Variants in CMSS1 observed in about 807,000 individuals in gnomAD.
The protein encoded by CMSS1 is protein CMSS1.
CMSS1 carries 33 observed loss-of-function variants against 43.5 expected under a neutral mutation model. That is an observed-to-expected ratio of 0.76 (90% CI 0.57 to 1.01). The LOEUF (loss-of-function observed/expected upper bound fraction) is 1.01, where lower values mean the gene tolerates loss of function less well. Among genes scored for constraint, CMSS1 ranks in the 50% least tolerant of loss-of-function variants. CMSS1 has a pLI of 0.00. For synonymous variants in CMSS1, 115 were observed against 117.2 expected (o/e 0.98, Z 0.12); for missense variants, 313 against 326.4 (o/e 0.96, Z 0.32).
intron 1 of CMSS1, among the ~76,000 whole-genome samples, chr3:99,957,607 C>T (rs1282686169): frequency 6.6e-6 from 1 of 150,920 alleles, no homozygotes; most frequent in Non-Finnish European, 1.5e-5. Context: ...CTCCTATGAA[C>T]CTCTGCAGAG....
chr3:100,144,833 C>G (rs938659889), intron 1 of CMSS1, among the ~76,000 whole-genome samples: 3 of 152,104 alleles, frequency 2.0e-5, no homozygotes, highest in Non-Finnish European at 2.9e-5. Flanking sequence ...GATAATGAGG[C>G]AAAAAGATAA....
chr3:100,045,514 C>G (rs932538152), intron 1 of CMSS1, among the ~76,000 whole-genome samples: 11 of 152,006 alleles, frequency 7.2e-5, no homozygotes, highest in Admixed American at 7.2e-4. Context: ...TCCCAGGCAT[C>G]CCTCCTCTCG....
intron 1 of CMSS1, among the ~76,000 whole-genome samples, chr3:99,987,497 C>G (rs1294418312): frequency 6.7e-6 from 1 of 149,128 alleles, no homozygotes; most frequent in Non-Finnish European, 1.5e-5. Context: ...CCACTGCACT[C>G]CAGCCTGGGT....
chr3:100,058,259 C>G (rs575064612), intron 1 of CMSS1, among the ~76,000 whole-genome samples: 1 of 152,324 alleles, frequency 6.6e-6, no homozygotes, highest in East Asian at 1.9e-4. Flanking sequence ...GAATACTGTT[C>G]TATGTTCAAG....
chr3:99,961,046 A>G (rs1708476135), intron 1 of CMSS1, among the ~76,000 whole-genome samples: 1 of 152,216 alleles, frequency 6.6e-6, no homozygotes, highest in Non-Finnish European at 1.5e-5. Context: ...TTATTGTCAC[A>G]GTTTACAGTG....
intron 1 of CMSS1, chr3:99,833,131 G>A (rs1375176308): frequency 3.1e-6 from 3 of 981,658 alleles, no homozygotes; most frequent in African/African-American, 1.6e-5. Context: ...AAGCAAGTTG[G>A]AAAGCTCATT....
At chr3:99,908,788 A>C (rs988049333) in intron 1 of CMSS1, among the ~76,000 whole-genome samples, 3 of 152,162 alleles carry the variant, frequency 2.0e-5, no homozygotes, top group Non-Finnish European at 2.9e-5. Context: ...ACTAATTATC[A>C]AGTTATTTAC....
At chr3:99,849,518 C>A (rs748343292) in intron 1 of CMSS1, 1 of 1,613,332 alleles carries the variant, frequency 6.2e-7, no homozygotes, top group Admixed American at 1.7e-5. Context: ...TTTAATGCAT[C>A]CACTTCTCTT....
chr3:100,033,696 G>A (rs1435043499), intron 1 of CMSS1, among the ~76,000 whole-genome samples: 5 of 152,034 alleles, frequency 3.3e-5, no homozygotes, highest in Non-Finnish European at 5.9e-5. Flanking sequence ...GTGCCTCTTT[G>A]ACAATTCAGA....
At chr3:99,919,605 A>G (rs1323831614) in intron 1 of CMSS1, among the ~76,000 whole-genome samples, 1 of 151,842 alleles carries the variant, frequency 6.6e-6, no homozygotes, top group Non-Finnish European at 1.5e-5. Context: ...TAGAAAGAAA[A>G]TTTGATGTTT....
intron 1 of CMSS1, among the ~76,000 whole-genome samples, chr3:99,920,688 A>G (rs538159045): frequency 2.0e-5 from 3 of 152,310 alleles, no homozygotes; most frequent in Non-Finnish European, 2.9e-5. Context: ...GGGAAAGCCA[A>G]TTGCTTACTG....
At chr3:99,940,362 A>G (rs1473176535) in intron 1 of CMSS1, among the ~76,000 whole-genome samples, 1 of 152,226 alleles carries the variant, frequency 6.6e-6, no homozygotes, top group African/African-American at 2.4e-5. Flanking sequence ...ATCACTTTCC[A>G]TATTTCTTCC....
At chr3:100,001,041 T>TCA (rs140690767) in intron 1 of CMSS1, among the ~76,000 whole-genome samples, 25 of 151,854 alleles carry the variant, frequency 1.6e-4, no homozygotes, top group South Asian at 1.3e-3. Context: ...GTTCTATATT[T>TCA]CACACACACA....
rs2067167674 is a variant in CMSS1 at position 100,178,728 on chromosome 3, T to G, written c.*340T>G. On this transcript the variant is annotated 3_prime_UTR_variant, in exon 10 of 10. Coordinates refer to ENST00000421999, the MANE Select transcript of CMSS1 (RefSeq NM_032359.4). Reference sequence around the variant, plus strand: ...AGGTCTTGCCTCTCTGAGCCCCATCTTATCAACTCAAAGTGGGAATGTCTC... The same window carrying G: ...AGGTCTTGCCTCTCTGAGCCCCATCGTATCAACTCAAAGTGGGAATGTCTC... The G allele has an allele frequency of 5.2e-6, 1 of 191,318 alleles. No individual in the cohort carries two copies. Among genetic ancestry groups the G allele is most frequent in the South Asian group, 1.2e-4 (1 of 8,502 alleles). The allele number at this position is 191,318 out of a possible 1,614,324, so 11.9% of individuals were successfully genotyped here.
chr3:99,929,763 T>C (rs1306764120), intron 1 of CMSS1: 1 of 901,640 alleles, frequency 1.1e-6, no homozygotes, highest in Non-Finnish European at 1.6e-6. Context: ...AAAGTAAAAC[T>C]GTAAGGAATC....
intron 7 of CMSS1, 52 bp from the exon 8 acceptor site, chr3:100,172,262 GAT>G (rs2067116442): frequency 6.8e-7 from 1 of 1,467,996 alleles, no homozygotes; most frequent in Non-Finnish European, 9.5e-7. Flanking sequence ...ATTGGTGTAA[GAT>G]AGCACTTTCT....
chr3:99,895,885 T>A (rs1454262343), intron 1 of CMSS1, among the ~76,000 whole-genome samples: 1 of 152,228 alleles, frequency 6.6e-6, no homozygotes, highest in Non-Finnish European at 1.5e-5. Flanking sequence ...AAAACAATGT[T>A]GATGTTTGGT....
intron 1 of CMSS1, among the ~76,000 whole-genome samples, chr3:99,960,102 C>G (rs2107701513): frequency 6.6e-6 from 1 of 152,244 alleles, no homozygotes. Context: ...TCCATCCCGA[C>G]CTGGGTTAAG....
intron 1 of CMSS1, among the ~76,000 whole-genome samples, chr3:99,952,870 T>A (rs1708216851): frequency 1.3e-5 from 2 of 152,194 alleles, no homozygotes; most frequent in Admixed American, 1.3e-4. Context: ...ATTGTTTTTC[T>A]GCATAATGAA....
Sources: gnomAD v4.1 joint callset for allele counts (sites outside exome capture counted in the v4.1 genomes callset) on GRCh38, gnomAD v4.1.1 for gene constraint, MANE v1.5 for transcripts, NCBI Gene and HGNC (gene_info 2026-07-23, HGNC 2026-07-21) for gene names.